The following SLC9A1 variants were observed in gnomAD, a reference collection of about 807,000 sequenced individuals.
SLC9A1 encodes the protein sodium/hydrogen exchanger 1.
SLC9A1 carries 22 observed loss-of-function variants against 67.9 expected under a neutral mutation model. That is an observed-to-expected ratio of 0.32 (90% CI 0.23 to 0.46). The LOEUF (loss-of-function observed/expected upper bound fraction) is 0.46. Among genes scored for constraint, SLC9A1 ranks in the 20% least tolerant of loss-of-function variants. SLC9A1 has a pLI of 1.00. For missense variants in SLC9A1, 686 were observed against 1,094.8 expected (o/e 0.63, Z 5.27); for synonymous variants, 421 against 471.8 (o/e 0.89, Z 1.40).
Position 27,109,839 on chromosome 1 carries a change from GGTC to G in SLC9A1, c.814-65_814-63del. 6.3e-7 allele frequency: 1 copy of G among 1,589,770 alleles called. No individual in the cohort carries two copies. The highest frequency in any genetic ancestry group is 1.1e-5 in the South Asian group (1 of 89,042). ...GGGCCCTGGCCCCACGGTTCCCTGGGGTCCACCCAGGGCAATCCTGTCCCCTCC... is the reference window on the plus strand; with the variant it reads ...GGGCCCTGGCCCCACGGTTCCCTGGGCACCCAGGGCAATCCTGTCCCCTCC... On this transcript the variant is annotated intron_variant, in intron 2 of 11. Transcript: ENST00000263980. This position sits in a 1 kb window ranked among gnomAD's most constrained non-coding sequence, Gnocchi z 5.5.
intron 2 of SLC9A1, among the ~76,000 whole-genome samples, chr1:27,110,909 G>T (rs1185633284): frequency 6.6e-6 from 1 of 152,194 alleles, no homozygotes; most frequent in Non-Finnish European, 1.5e-5. Flanking sequence ...TCCATGACAG[G>T]GAACCCTCCA....
chr1:27,102,642 T>A, intron 7 of SLC9A1, 31 bp downstream of exon 7: 1 of 1,612,602 alleles, frequency 6.2e-7, no homozygotes, highest in East Asian at 2.2e-5. Context: ...TGCCTGCCCC[T>A]CCCTGCCTGC....
intron 1 of SLC9A1, among the ~76,000 whole-genome samples, chr1:27,128,673 A>G (rs558294206): frequency 6.6e-6 from 1 of 150,644 alleles, no homozygotes; most frequent in Non-Finnish European, 1.5e-5. Context: ...AAAAAAAAAA[A>G]AAGGCCAGGC....
Position 27,109,491 on chromosome 1 carries a change from CCCG to C in SLC9A1, c.1064+33_1064+35del. On this transcript the variant is annotated intron_variant, in intron 3 of 11. Transcript: ENST00000263980. The surrounding 1 kb of genome is among the most constrained non-coding windows in gnomAD (Gnocchi z 5.5). ...CCAAGCTGGCAGCCCCCGCCCCCAC[CCCG>C]CCAAGCCCACTGCCTGCTGCACGCA... is the stretch of plus-strand genomic sequence containing the variant. 3 of 1,604,932 alleles carry C rather than the reference CCCG, an allele frequency of 1.9e-6. No homozygotes were observed. The highest frequency in any genetic ancestry group is 2.5e-6 in the Non-Finnish European group (3 of 1,177,310).
chr1:27,116,429 C>T (rs533448124), intron 1 of SLC9A1, among the ~76,000 whole-genome samples: 77 of 152,246 alleles, frequency 5.1e-4, no homozygotes, highest in South Asian at 5.0e-3. Flanking sequence ...GGCCCAGAAT[C>T]CTGGCACAGT....
chr1:27,142,286 G>A (rs2083457598), intron 1 of SLC9A1, among the ~76,000 whole-genome samples: 1 of 152,224 alleles, frequency 6.6e-6, no homozygotes, highest in East Asian at 1.9e-4. Flanking sequence ...ATTCACGAGT[G>A]GCCTGGGGCC....
intron 2 of SLC9A1, among the ~76,000 whole-genome samples, chr1:27,111,047 T>A (rs2124149532): frequency 6.6e-6 from 1 of 152,262 alleles, no homozygotes; most frequent in East Asian, 1.9e-4. Context: ...CACTCACACC[T>A]ATGCCAAGAG....
intron 2 of SLC9A1, among the ~76,000 whole-genome samples, chr1:27,111,633 A>AAAATAAAT (rs6143171): frequency 2.7e-5 from 4 of 150,524 alleles, no homozygotes; most frequent in African/African-American, 7.4e-5. Flanking sequence ...CCATATCTAC[A>AAAATAAAT]AAATAAATAA....
At chr1:27,104,226 C>T (rs536814731) in intron 5 of SLC9A1, among the ~76,000 whole-genome samples, 4 of 151,614 alleles carry the variant, frequency 2.6e-5, no homozygotes, top group Admixed American at 6.6e-5. Context: ...GGATTACAGG[C>T]GGCTGCCACC....
In SLC9A1 at chr1:27,114,662, A is replaced by AC. The variant is rs1421798865; in HGVS notation, c.353-377dup. Among the ~76,000 whole-genome samples the AC allele has an allele frequency of 6.6e-6, 1 of 152,190 alleles. No homozygotes were observed. The highest frequency in any genetic ancestry group is 1.5e-5 in the Non-Finnish European group (1 of 68,030). The stretch of plus-strand genomic sequence containing the variant: ...ACCTACGGGCATCACCTACGCCTGA[A>AC]CCCAAGGCATTATTCCAGGCACAAG... On this transcript the variant is annotated intron_variant, in intron 1 of 11. Coordinates refer to ENST00000263980, the MANE Select transcript of SLC9A1 (RefSeq NM_003047.5). The surrounding 1 kb of genome is among the most constrained non-coding windows in gnomAD (Gnocchi z 5.4).
rs898402964 is a variant in SLC9A1, at chr1:27,118,225, G to A, written c.353-3939C>T. ...GCTGAAGGAGCTCTAGGCCCTGATG[G>A]GCTCTCTGGGCCTGAGGGGAGGGCC... On this transcript the variant is annotated intron_variant, in intron 1 of 11. Transcript: ENST00000263980. The surrounding 1 kb of genome is among the most constrained non-coding windows in gnomAD (Gnocchi z 4.3). 6.6e-6 allele frequency among the ~76,000 whole-genome samples: 1 copy of A among 152,182 alleles called. No homozygotes were observed. Among genetic ancestry groups the A allele is most frequent in the African/African-American group, 2.4e-5 (1 of 41,436 alleles).
At chr1:27,130,579 A>C (rs750868962) in intron 1 of SLC9A1, among the ~76,000 whole-genome samples, 2 of 152,166 alleles carry the variant, frequency 1.3e-5, no homozygotes, top group African/African-American at 2.4e-5. Context: ...ACCCATGTGC[A>C]ATGCCTCAGG....
chr1:27,122,911 A>G (rs1055194346), intron 1 of SLC9A1, among the ~76,000 whole-genome samples: 14 of 151,978 alleles, frequency 9.2e-5, no homozygotes, highest in African/African-American at 2.9e-4. Context: ...TGTGTTGACA[A>G]GAGGCAGAGC....
At chr1:27,133,115 T>TG (rs1217768078) in intron 1 of SLC9A1, among the ~76,000 whole-genome samples, 1 of 151,950 alleles carries the variant, frequency 6.6e-6, no homozygotes, top group Non-Finnish European at 1.5e-5. Flanking sequence ...TTGCCCAGGC[T>TG]GGAGTGCAGT....
chr1:27,105,828 C>A (rs150015600), intron 5 of SLC9A1, 57 bp downstream of exon 5: 7 of 1,426,120 alleles, frequency 4.9e-6, no homozygotes, highest in Non-Finnish European at 6.9e-6. Context: ...TCTCTTTCCA[C>A]GGGAACAGCC....
In SLC9A1 at chr1:27,109,817, C is replaced by T. The variant is rs759029590; in HGVS notation, c.814-40G>A. 1 of 1,609,372 alleles carries T rather than the reference C, an allele frequency of 6.2e-7. No homozygotes were observed. Among genetic ancestry groups the T allele is most frequent in the Non-Finnish European group, 8.5e-7 (1 of 1,177,892 alleles). ...CAGGCTGGTGGGTGGGAGGAGAGGG[C>T]CCTGGCCCCACGGTTCCCTGGGGTC... is the stretch of plus-strand genomic sequence containing the variant. On this transcript the variant is annotated intron_variant, in intron 2 of 11. Transcript: ENST00000263980. The surrounding 1 kb of genome is among the most constrained non-coding windows in gnomAD (Gnocchi z 5.5).
At chr1:27,113,576 T>C (rs1388957749) in intron 2 of SLC9A1, among the ~76,000 whole-genome samples, 7 of 152,094 alleles carry the variant, frequency 4.6e-5, no homozygotes, top group Admixed American at 3.9e-4. Context: ...CTCCAACAGG[T>C]TATTTAACTT....
intron 1 of SLC9A1, among the ~76,000 whole-genome samples, chr1:27,152,773 C>T (rs186148529): frequency 7.9e-5 from 12 of 152,268 alleles, no homozygotes; most frequent in Non-Finnish European, 7.4e-5. Context: ...GCACCACTTC[C>T]CTCCCGCTGC....
Position 27,101,887 on chromosome 1 carries a change from G to GGGGGCAGTGCTGGAGGCC in SLC9A1, c.1936-79_1936-62dup. ...CGGAAGGCTCTGCTCATGGAGGGGT[G>GGGGGCAGTGCTGGAGGCC]GGGGCAGTGCTGGAGGCCGGGCCAG... is the stretch of plus-strand genomic sequence containing the variant. On this transcript the variant is annotated intron_variant, in intron 9 of 11. Transcript: ENST00000263980. The surrounding 1 kb of genome is among the most constrained non-coding windows in gnomAD (Gnocchi z 4.9). 1 of 1,462,990 alleles carries GGGGGCAGTGCTGGAGGCC rather than the reference G, an allele frequency of 6.8e-7. No homozygotes were observed. The highest frequency in any genetic ancestry group is 9.5e-7 in the Non-Finnish European group (1 of 1,047,204). 90.6% of individuals were successfully genotyped at this position (1,462,990 alleles called of 1,614,324 possible).
Sources: gnomAD v4.1 joint callset for allele counts (sites outside exome capture counted in the v4.1 genomes callset) on GRCh38, gnomAD v4.1.1 for gene constraint, Gnocchi (gnomAD v3.1) non-coding constraint, MANE v1.5 for transcripts, NCBI Gene and HGNC (gene_info 2026-07-23, HGNC 2026-07-21) for gene names.